The following C3orf20 variants were observed in gnomAD, a reference collection of about 807,000 sequenced individuals.
The protein encoded by C3orf20 is uncharacterized protein C3orf20.
In C3orf20, 76 loss-of-function variants were observed where a neutral mutation model predicts 88.3. That is an observed-to-expected ratio of 0.86 (90% CI 0.72 to 1.04). The LOEUF (loss-of-function observed/expected upper bound fraction) is 1.04, where lower values mean the gene tolerates loss of function less well. Ranked by LOEUF, C3orf20 falls within the 50% of genes least tolerant of loss-of-function variation. C3orf20 has a pLI of 0.00. For missense variants in C3orf20, 1,056 were observed against 1,123.3 expected, an observed-to-expected ratio of 0.94 and a Z score of 0.86; for synonymous variants, 436 against 437.4, an observed-to-expected ratio of 1.00 and a Z score of 0.04.
chr3:14,683,094 G>A lies in C3orf20; in HGVS notation c.381G>A (p.Val127=), dbSNP rs751519130. ...TCTCTCCCACCATGGCCCGTCAGGT[G>A]CGCACCCACCAGGAGACCCTGAACA... ...STLSPTMARQ[V]RTHQETLNRF... The change falls in exon 3 of 17, where the codon GTG becomes GTA. Residue 127 remains valine (V), a synonymous_variant. Transcript: ENST00000253697. 6.2e-6 allele frequency: 10 copies of A among 1,613,830 alleles called. No homozygotes were observed. In the South Asian group the frequency reaches 9.9e-5, roughly 16 times the overall value.
rs761348617 is a variant in C3orf20 at position 14,772,482 on chromosome 3, G to A, written c.2630+281G>A. Among the ~76,000 whole-genome samples, 7 of 152,192 alleles carry A rather than the reference G, an allele frequency of 4.6e-5. No individual in the cohort carries two copies. The highest frequency in any genetic ancestry group is 7.2e-5 in the African/African-American group (3 of 41,452). On this transcript the variant is annotated intron_variant, in intron 16 of 16. Coordinates refer to ENST00000253697, the MANE Select transcript of C3orf20 (RefSeq NM_032137.5). The surrounding 1 kb of genome is among the most constrained non-coding windows in gnomAD (Gnocchi z 4.2). ...GTCTGAGAAGGGTGGAGACTGCCCC[G>A]CTGTCTCCTTGCAAGAAACTTGCTG...
intron 13 of C3orf20, among the ~76,000 whole-genome samples, chr3:14,758,512 C>T (rs1262848013): frequency 1.3e-5 from 2 of 152,178 alleles, no homozygotes; most frequent in Non-Finnish European, 2.9e-5. Flanking sequence ...TGGCCCCAAC[C>T]CCAGACCAAC....
rs544079641 is a variant in C3orf20 at position 14,691,062 on chromosome 3, C to T, written c.745+946C>T. Among the ~76,000 whole-genome samples, 3 of 152,346 alleles carry T rather than the reference C, an allele frequency of 2.0e-5. No homozygotes were observed. In the East Asian group the frequency reaches 5.8e-4, roughly 29 times the overall value. On this transcript the variant is annotated intron_variant, in intron 5 of 16. Coordinates refer to ENST00000253697, the MANE Select transcript of C3orf20 (RefSeq NM_032137.5). The stretch of plus-strand genomic sequence containing the variant: ...ATATCGAGCTGATCCTATACTCTTT[C>T]CGTTATTGAACAAATGGTTATTGAA...
chr3:14,678,262 C>T (rs1053539456), intron 1 of C3orf20, among the ~76,000 whole-genome samples: 1 of 152,242 alleles, frequency 6.6e-6, no homozygotes, highest in Non-Finnish European at 1.5e-5. Flanking sequence ...CTAATCCTCA[C>T]AGTCCTTGAA....
chr3:14,712,176 G>GTGCTCACACACACACACACGCACACACA (rs2033768995), intron 7 of C3orf20, among the ~76,000 whole-genome samples: 1 of 76,322 alleles, frequency 1.3e-5, no homozygotes, highest in South Asian at 3.2e-4. Flanking sequence ...ACACACACGC[G>GTGCTCACACACACACACACGCACACACA]CGCGCGCACA....
chr3:14,749,377 G>T (rs1026732575), intron 12 of C3orf20, among the ~76,000 whole-genome samples: 1 of 152,120 alleles, frequency 6.6e-6, no homozygotes, highest in Non-Finnish European at 1.5e-5. Flanking sequence ...GTATCACTGT[G>T]TTGCCAAGGC....
intron 7 of C3orf20, among the ~76,000 whole-genome samples, chr3:14,707,032 G>A (rs1480248284): frequency 2.0e-5 from 3 of 151,858 alleles, no homozygotes; most frequent in Non-Finnish European, 4.4e-5. Context: ...GGCAGATCAC[G>A]AGGTCAGGAG....
chr3:14,768,228 A>C lies in C3orf20; in HGVS notation c.2496-3839A>C, dbSNP rs1235545413. ...GGGTCTCTAGTTGGATCAGCAGTGC[A>C]GGGGGCCCACACCCTCGTCCGCTGC... On this transcript the variant is annotated intron_variant, in intron 15 of 16. Coordinates refer to ENST00000253697, the MANE Select transcript of C3orf20 (RefSeq NM_032137.5). This position sits in a 1 kb window ranked among gnomAD's most constrained non-coding sequence, Gnocchi z 4.1. 2.6e-5 allele frequency among the ~76,000 whole-genome samples: 4 copies of C among 151,650 alleles called. No individual in the cohort carries two copies. In the East Asian group the frequency reaches 7.7e-4, roughly 29 times the overall value.
At position 14,772,481 on chromosome 3, in the gene C3orf20, C is replaced by T. The variant is rs959551212; in HGVS notation, c.2630+280C>T. On this transcript the variant is annotated intron_variant, in intron 16 of 16. Transcript: ENST00000253697. This position sits in a 1 kb window ranked among gnomAD's most constrained non-coding sequence, Gnocchi z 4.2. ...AGTCTGAGAAGGGTGGAGACTGCCC[C>T]GCTGTCTCCTTGCAAGAAACTTGCT... Among the ~76,000 whole-genome samples, 9 of 152,198 alleles carry T rather than the reference C, an allele frequency of 5.9e-5. No homozygotes were observed. Among genetic ancestry groups the T allele is most frequent in the African/African-American group, 1.9e-4 (8 of 41,452 alleles).
At chr3:14,700,808 T>C (rs2033230235) in intron 5 of C3orf20, among the ~76,000 whole-genome samples, 1 of 152,258 alleles carries the variant, frequency 6.6e-6, no homozygotes, top group African/African-American at 2.4e-5. Context: ...TGCCTGGTTT[T>C]GCTATAGCCA....
chr3:14,721,938 G>T, intron 10 of C3orf20, 154 bp downstream of exon 10: 1 of 870,122 alleles, frequency 1.1e-6, no homozygotes, highest in Non-Finnish European at 1.8e-6. Flanking sequence ...CCTACTCTTA[G>T]TACCACCTTC....
chr3:14,713,619 G>A (rs528214224), intron 7 of C3orf20, among the ~76,000 whole-genome samples: 2 of 152,194 alleles, frequency 1.3e-5, no homozygotes. Flanking sequence ...GTGACATGGG[G>A]CAGATAATTT....
chr3:14,678,560 C>G (rs2124873495), intron 1 of C3orf20, among the ~76,000 whole-genome samples: 1 of 152,374 alleles, frequency 6.6e-6, no homozygotes, highest in East Asian at 1.9e-4. Flanking sequence ...TGGAGACATG[C>G]AGCAGATTGT....
chr3:14,771,926 G>A, intron 15 of C3orf20, 141 bp from the exon 16 acceptor site: 1 of 1,053,028 alleles, frequency 9.5e-7, no homozygotes, highest in Non-Finnish European at 1.4e-6. Flanking sequence ...GGGTCCCCAA[G>A]GAGGTCAGAG....
At position 14,715,280 on chromosome 3, in the gene C3orf20, C is replaced by T. The variant is rs748540756; in HGVS notation, c.1314-9C>T. On this transcript the variant is annotated splice_polypyrimidine_tract_variant and intron_variant, in intron 8 of 16. Coordinates refer to ENST00000253697, the MANE Select transcript of C3orf20 (RefSeq NM_032137.5). ...CGGTGGCAGCTACTCACTTCTGTATCTCTCCTAGTTGCCCATATGTCTTAA... is the reference window on the plus strand; with the variant it reads ...CGGTGGCAGCTACTCACTTCTGTATTTCTCCTAGTTGCCCATATGTCTTAA... The T allele has an allele frequency of 6.2e-7, 1 of 1,610,446 alleles. No individual in the cohort carries two copies. Among genetic ancestry groups the T allele is most frequent in the Non-Finnish European group, 8.5e-7 (1 of 1,178,714 alleles).
chr3:14,711,126 G>A (rs2033721428), intron 7 of C3orf20, among the ~76,000 whole-genome samples: 1 of 152,096 alleles, frequency 6.6e-6, no homozygotes, highest in Non-Finnish European at 1.5e-5. Context: ...CAAAACTCCT[G>A]AACTCAGGTG....
intron 9 of C3orf20, 28 bp downstream of exon 9, chr3:14,715,437 G>A (rs781078679): frequency 6.3e-7 from 1 of 1,599,646 alleles, no homozygotes; most frequent in South Asian, 1.1e-5. Context: ...AGGTTGGGTG[G>A]CAGTGAGCAC....
chr3:14,676,367 G>A (rs145241859), intron 1 of C3orf20, among the ~76,000 whole-genome samples: 4 of 152,210 alleles, frequency 2.6e-5, no homozygotes, highest in Admixed American at 6.5e-5. Flanking sequence ...AAAAAGAAAA[G>A]GCTTTGTATC....
chr3:14,694,375 G>C (rs756035847), intron 5 of C3orf20, among the ~76,000 whole-genome samples: 19 of 152,022 alleles, frequency 1.2e-4, no homozygotes, highest in Non-Finnish European at 2.1e-4. Context: ...ACTTGTTATT[G>C]GTCTGTTCAG....
Sources: gnomAD v4.1 joint callset for allele counts (sites outside exome capture counted in the v4.1 genomes callset) on GRCh38, gnomAD v4.1.1 for gene constraint, Gnocchi (gnomAD v3.1) non-coding constraint, MANE v1.5 for transcripts, NCBI Gene and HGNC (gene_info 2026-07-23, HGNC 2026-07-21) for gene names.